Variants in PLD2 observed in about 807,000 individuals in gnomAD.
PLD2 encodes choline phosphatase 2.
PLD2 carries 101 observed loss-of-function variants against 119.8 expected under a neutral mutation model. That is an observed-to-expected ratio of 0.84 (90% CI 0.72 to 0.99). The LOEUF is 0.99. PLD2 is among the 50% of genes least tolerant of loss of function. PLD2 has a pLI of 0.00. For synonymous variants in PLD2, 494 were observed against 482.8 expected (o/e 1.02, Z -0.30); for missense variants, 1,164 against 1,226.8 (o/e 0.95, Z 0.76).
At chr17:4,813,096 GC>G (rs1318966778) in intron 10 of PLD2, among the ~76,000 whole-genome samples, 1 of 152,138 alleles carries the variant, frequency 6.6e-6, no homozygotes, top group Non-Finnish European at 1.5e-5. Context: ...TGCAGTCTCT[GC>G]CCCCTGGGTT....
chr17:4,811,026 C>T, intron 10 of PLD2, 75 bp downstream of exon 10: 2 of 1,430,708 alleles, frequency 1.4e-6, no homozygotes, highest in Non-Finnish European at 1.9e-6. Flanking sequence ...GTCCTTCATC[C>T]TCTCTTTTCT....
chr17:4,822,875 C>A lies in PLD2; in HGVS notation c.*11C>A, dbSNP rs200840956. 1 of 1,486,652 alleles carries A rather than the reference C, an allele frequency of 6.7e-7. No individual in the cohort carries two copies. The highest frequency in any genetic ancestry group is 1.4e-5 in the African/African-American group (1 of 72,760). The allele number at this position is 1,486,652 out of a possible 1,614,324, so 92.1% of individuals were successfully genotyped here. ...GAAGTGTGGACATAGTTGAGGCCCC[C>A]GTCAGGGAGAGGTCACCAGCTGCTG... On this transcript the variant is annotated 3_prime_UTR_variant, in exon 25 of 25. Coordinates refer to ENST00000263088, the MANE Select transcript of PLD2 (RefSeq NM_002663.5).
chr17:4,810,060 C>T (rs1424056268), intron 9 of PLD2, 31 bp downstream of exon 9: 1 of 1,608,460 alleles, frequency 6.2e-7, no homozygotes, highest in Non-Finnish European at 8.5e-7. Flanking sequence ...GAGACACCAG[C>T]TGAGTGGTGA....
chr17:4,809,464 C>G (rs777547709), intron 6 of PLD2, 29 bp from the exon 7 acceptor site: 3 of 1,607,090 alleles, frequency 1.9e-6, no homozygotes, highest in Non-Finnish European at 2.5e-6. Flanking sequence ...AGCCAGGTGT[C>G]TCCTCCGGGC....
intron 12 of PLD2, among the ~76,000 whole-genome samples, chr17:4,814,972 G>T (rs1049418356): frequency 6.6e-6 from 1 of 152,110 alleles, no homozygotes; most frequent in African/African-American, 2.4e-5. Flanking sequence ...TTATCTGGGG[G>T]TATACATGTC....
chr17:4,809,303 C>G lies in PLD2; in HGVS notation c.495C>G (p.Tyr165Ter). ...CTCTCTCATCTCCACTTCAGAAATA[C>G]CTGGAGAATTACCTCAACCGTCTCT... ...STRHAASKQK[Y>*]LENYLNRLLT... Residue 165 changes from tyrosine (Y) to a stop codon, truncating the protein, a stop_gained, in exon 6 of 25, where the codon TAC becomes TAG. Coordinates refer to ENST00000263088, the MANE Select transcript of PLD2 (RefSeq NM_002663.5). LOFTEE classifies it high-confidence loss of function. 1 of 1,613,898 alleles carries G rather than the reference C, an allele frequency of 6.2e-7. No homozygotes were observed.
intron 23 of PLD2, among the ~76,000 whole-genome samples, chr17:4,821,485 G>A (rs538559801): frequency 5.9e-5 from 9 of 151,568 alleles, no homozygotes; most frequent in East Asian, 2.0e-4. Flanking sequence ...CCTCGACTTC[G>A]CCAGCTGAAG....
rs761106088 is a variant in PLD2, at chr17:4,817,184, C to A, written c.1740C>A (p.Tyr580Ter). 171 of 1,613,926 alleles carry A rather than the reference C, an allele frequency of 1.1e-4. No homozygotes were observed. Among genetic ancestry groups the A allele is most frequent in the Non-Finnish European group, 1.3e-4 (157 of 1,179,904 alleles). Residue 580 changes from tyrosine (Y) to a stop codon, truncating the protein, a stop_gained, in exon 17 of 25, where the codon TAC (tyrosine) becomes TAA (stop). Transcript: ENST00000263088. LOFTEE classifies it high-confidence loss of function. The stretch of plus-strand genomic sequence containing the variant: ...AGTACAAGACTCCCACATACCCCTA[C>A]CTGCTTCCCAAGTCTACCAGCACGG... Reference protein sequence around the residue: ...KAKYKTPTYPYLLPKSTSTAN... With the variant: ...KAKYKTPTYP
chr17:4,809,157 A>T lies in PLD2; in HGVS notation c.441A>T (p.Leu147=). The change falls in exon 5 of 25, where the codon CTA becomes CTT. Residue 147 remains leucine (L), a synonymous_variant. Transcript: ENST00000263088. ...RDAGNREMPS[L]PRAGPEGSTR... ...CAGGCAACAGAGAGATGCCCTCTCT[A>T]CCCCGGGCAGGTCCTGAGGGCTCCA... The T allele has an allele frequency of 6.2e-7, 1 of 1,614,028 alleles. No individual in the cohort carries two copies. Among genetic ancestry groups the T allele is most frequent in the Non-Finnish European group, 8.5e-7 (1 of 1,179,994 alleles).
rs1186462029 is a variant in PLD2, at chr17:4,819,803, G to T, written c.2462+221G>T. 6.6e-6 allele frequency among the ~76,000 whole-genome samples: 1 copy of T among 151,998 alleles called. No homozygotes were observed. The highest frequency in any genetic ancestry group is 1.5e-5 in the Non-Finnish European group (1 of 68,020). On this transcript the variant is annotated intron_variant, in intron 23 of 24. Transcript: ENST00000263088. The surrounding 1 kb of genome is among the most constrained non-coding windows in gnomAD (Gnocchi z 4.2). ...GCCTGAGGTCAGGATTTTGAGACCA[G>T]CCTGGCTAACATAGTGAAACCCGTC...
chr17:4,816,570 C>T (rs768184441), intron 14 of PLD2, 50 bp from the exon 15 acceptor site: 2 of 1,602,174 alleles, frequency 1.2e-6, no homozygotes, highest in East Asian at 2.2e-5. Flanking sequence ...TGGCTCTGTA[C>T]AGCCCCATGA....
At chr17:4,815,180 G>A (rs1184842245) in intron 12 of PLD2, among the ~76,000 whole-genome samples, 1 of 152,048 alleles carries the variant, frequency 6.6e-6, no homozygotes, top group Non-Finnish European at 1.5e-5. Context: ...GGGCTAGGAG[G>A]GTAGGCAGGT....
intron 17 of PLD2, among the ~76,000 whole-genome samples, chr17:4,817,766 G>T (rs1210714026): frequency 6.6e-6 from 1 of 150,612 alleles, no homozygotes; most frequent in Non-Finnish European, 1.5e-5. Flanking sequence ...AGACCATCCT[G>T]GCTAACACCA....
chr17:4,822,811 C>CT lies in PLD2; in HGVS notation c.2750dup (p.Pro918AlafsTer5), dbSNP rs978434107. The CT allele has an allele frequency of 6.2e-7, 1 of 1,613,524 alleles. No homozygotes were observed. Among genetic ancestry groups the CT allele is most frequent in the Admixed American group, 1.7e-5 (1 of 60,014 alleles). On this transcript the variant is annotated frameshift_variant, in exon 25 of 25. Transcript: ENST00000263088. LOFTEE classifies it high-confidence loss of function. ...CAAGTTCCTAGAGGATGAGTCTTTG[C>CT]TGCCCCCGCTGGGTAGCAAGGAGGG...
chr17:4,814,271 A>C, intron 10 of PLD2, 147 bp from the exon 11 acceptor site: 2 of 1,251,396 alleles, frequency 1.6e-6, no homozygotes, highest in Non-Finnish European at 1.1e-6. Context: ...CACTATTTTG[A>C]TGTGTCTGAT....
chr17:4,817,586 C>G (rs1266921665), intron 17 of PLD2, among the ~76,000 whole-genome samples: 1 of 150,574 alleles, frequency 6.6e-6, no homozygotes, highest in Admixed American at 6.7e-5. Flanking sequence ...CGCTTGAACC[C>G]AGGAGGAGGA....
At chr17:4,811,044 A>G (rs1205866882) in intron 10 of PLD2, 93 bp downstream of exon 10, 1 of 1,254,094 alleles carries the variant, frequency 8.0e-7, no homozygotes, top group East Asian at 2.4e-5. Context: ...TCTCATCTGA[A>G]CCCTCCTGAC....
intron 23 of PLD2, among the ~76,000 whole-genome samples, chr17:4,820,339 C>T (rs937188068): frequency 2.0e-5 from 3 of 150,896 alleles, no homozygotes; most frequent in African/African-American, 7.3e-5. Flanking sequence ...ACGATCCTGG[C>T]TCACTGCAAC....
intron 17 of PLD2, among the ~76,000 whole-genome samples, chr17:4,817,698 C>G (rs1191848086): frequency 6.7e-6 from 1 of 149,382 alleles, no homozygotes; most frequent in African/African-American, 2.5e-5. Context: ...GTGGCTTACG[C>G]CTGTAATCCC....
Sources: gnomAD v4.1 joint callset for allele counts (sites outside exome capture counted in the v4.1 genomes callset) on GRCh38, gnomAD v4.1.1 for gene constraint, Gnocchi (gnomAD v3.1) non-coding constraint, MANE v1.5 for transcripts, NCBI Gene and HGNC (gene_info 2026-07-23, HGNC 2026-07-21) for gene names.